PBX3: variants seen among roughly 807,000 people sequenced by gnomAD.
The protein encoded by PBX3 is PBX homeobox 3.
A neutral mutation model predicts 48.5 loss-of-function variants in PBX3; 14 were observed. The ratio of observed to expected loss-of-function variants is 0.29; its 90% CI spans 0.19 to 0.45. PBX3 has a LOEUF of 0.45. Among genes scored for constraint, PBX3 ranks in the 20% least tolerant of loss-of-function variants. PBX3 has a pLI of 1.00. For missense variants in PBX3, 386 were observed against 546.7 expected (o/e 0.71, Z 2.93); for synonymous variants, 210 against 200.3 (o/e 1.05, Z -0.41).
chr9:125,961,360 G>T (rs1051412345), intron 6 of PBX3, among the ~76,000 whole-genome samples: 2 of 152,214 alleles, frequency 1.3e-5, no homozygotes, highest in Non-Finnish European at 2.9e-5. Flanking sequence ...AGCTGTGAGG[G>T]TTATGGTGCT....
At chr9:125,763,401 C>T (rs568748931) in intron 2 of PBX3, among the ~76,000 whole-genome samples, 27 of 152,334 alleles carry the variant, frequency 1.8e-4, no homozygotes, top group African/African-American at 6.5e-4. Flanking sequence ...CAGCCTGAAT[C>T]ATTCAAAGGG....
intron 3 of PBX3, 36 bp downstream of exon 3, chr9:125,915,963 C>T (rs1841322919): frequency 1.2e-6 from 2 of 1,601,440 alleles, no homozygotes; most frequent in Non-Finnish European, 1.7e-6. Flanking sequence ...CTACACAAAC[C>T]CTCTGTTGCT....
At chr9:125,898,182 A>G (rs1840818772) in intron 2 of PBX3, among the ~76,000 whole-genome samples, 1 of 151,740 alleles carries the variant, frequency 6.6e-6, no homozygotes, top group African/African-American at 2.4e-5. Context: ...CATTTTTAGA[A>G]TAAAATTTAT....
chr9:125,939,306 A>T (rs1025180035), intron 5 of PBX3, among the ~76,000 whole-genome samples: 1 of 152,206 alleles, frequency 6.6e-6, no homozygotes, highest in Non-Finnish European at 1.5e-5. Flanking sequence ...CAAAAGAGTC[A>T]AACAAGGATT....
chr9:125,928,594 T>C (rs1209639059), intron 3 of PBX3, among the ~76,000 whole-genome samples: 1 of 151,588 alleles, frequency 6.6e-6, no homozygotes, highest in Non-Finnish European at 1.5e-5. Context: ...GCCTCCCGAG[T>C]AGCTGGGACT....
chr9:125,888,922 G>C (rs189419441), intron 2 of PBX3, among the ~76,000 whole-genome samples: 20 of 152,238 alleles, frequency 1.3e-4, no homozygotes, highest in African/African-American at 3.4e-4. Context: ...GAATATTCTG[G>C]ATGATTATGA....
intron 2 of PBX3, among the ~76,000 whole-genome samples, chr9:125,875,340 A>T (rs1382661598): frequency 2.6e-5 from 4 of 152,148 alleles, no homozygotes; most frequent in Non-Finnish European, 5.9e-5. Flanking sequence ...AATTTTTATG[A>T]ATAATTTTAT....
intron 2 of PBX3, among the ~76,000 whole-genome samples, chr9:125,836,002 G>A (rs900172064): frequency 6.6e-6 from 1 of 152,206 alleles, no homozygotes; most frequent in Non-Finnish European, 1.5e-5. Flanking sequence ...TTAATACATA[G>A]TGGAATGTTA....
chr9:125,785,204 G>A (rs986570060), intron 2 of PBX3, among the ~76,000 whole-genome samples: 1 of 152,186 alleles, frequency 6.6e-6, no homozygotes, highest in Non-Finnish European at 1.5e-5. Context: ...AACTTGATTG[G>A]GTTGAAGGAT....
chr9:125,902,996 A>T (rs1840985490), intron 2 of PBX3, among the ~76,000 whole-genome samples: 1 of 151,790 alleles, frequency 6.6e-6, no homozygotes, highest in Admixed American at 6.6e-5. Flanking sequence ...GTTAGAACCC[A>T]ATACTGTCAG....
intron 2 of PBX3, among the ~76,000 whole-genome samples, chr9:125,903,574 C>T (rs928698513): frequency 1.3e-5 from 2 of 151,688 alleles, no homozygotes; most frequent in African/African-American, 2.4e-5. Context: ...TGGAGAAATA[C>T]AAAATTATAG....
chr9:125,793,159 T>C (rs1837661567), intron 2 of PBX3, among the ~76,000 whole-genome samples: 1 of 150,912 alleles, frequency 6.6e-6, no homozygotes, highest in South Asian at 2.1e-4. Context: ...GAGACCATCC[T>C]GGCTAACACG....
chr9:125,793,126 G>A (rs1452804685), intron 2 of PBX3, among the ~76,000 whole-genome samples: 2 of 151,506 alleles, frequency 1.3e-5, no homozygotes, highest in Non-Finnish European at 2.9e-5. Flanking sequence ...GCCGAGGTGG[G>A]CGGATCATGA....
At chr9:125,901,109 C>T (rs762657668) in intron 2 of PBX3, among the ~76,000 whole-genome samples, 37 of 151,704 alleles carry the variant, frequency 2.4e-4, no homozygotes, top group Admixed American at 3.9e-4. Flanking sequence ...TTTAATTTAG[C>T]ACCCTTTTTG....
chr9:125,893,676 A>T (rs558716500), intron 2 of PBX3, among the ~76,000 whole-genome samples: 61 of 152,320 alleles, frequency 4.0e-4, no homozygotes, highest in African/African-American at 1.2e-3. Context: ...CTCTGTCTGT[A>T]ATGAATGTCT....
At chr9:125,932,983 T>C (rs1841751630) in intron 4 of PBX3, among the ~76,000 whole-genome samples, 1 of 152,216 alleles carries the variant, frequency 6.6e-6, no homozygotes, top group South Asian at 2.1e-4. Context: ...GCCTGAGGCA[T>C]AGCCATTTAG....
At chr9:125,861,662 G>A (rs1038870645) in intron 2 of PBX3, among the ~76,000 whole-genome samples, 20 of 152,184 alleles carry the variant, frequency 1.3e-4, no homozygotes, top group African/African-American at 4.6e-4. Flanking sequence ...ATTGATACAT[G>A]CTACAACATG....
intron 2 of PBX3, among the ~76,000 whole-genome samples, chr9:125,901,751 A>G (rs188685168): frequency 3.3e-4 from 50 of 151,878 alleles, no homozygotes; most frequent in Non-Finnish European, 5.5e-4. Flanking sequence ...ACAACAAACA[A>G]CAACAGCAAC....
chr9:125,799,054 G>T (rs956075179), intron 2 of PBX3, among the ~76,000 whole-genome samples: 6 of 151,960 alleles, frequency 3.9e-5, no homozygotes, highest in African/African-American at 1.5e-4. Context: ...ATGTTTTTGG[G>T]GTTGTCTGTT....
Sources: gnomAD v4.1 joint callset for allele counts (sites outside exome capture counted in the v4.1 genomes callset) on GRCh38, gnomAD v4.1.1 for gene constraint, MANE v1.5 for transcripts, NCBI Gene and HGNC (gene_info 2026-07-23, HGNC 2026-07-21) for gene names.